PDILT: variants seen among roughly 807,000 people sequenced by gnomAD.
The protein encoded by PDILT is protein disulfide-isomerase-like protein of the testis.
PDILT carries 43 observed loss-of-function variants against 53.7 expected under a neutral mutation model. The observed-to-expected ratio is 0.80, with a 90% CI of 0.63 to 1.03. The LOEUF is 1.03. PDILT is among the 50% of genes least tolerant of loss of function. PDILT has a pLI of 0.00. For missense variants in PDILT, 727 were observed against 712.3 expected (o/e 1.02, Z -0.24); for synonymous variants, 282 against 274.2 (o/e 1.03, Z -0.28).
At chr16:20,388,399 TGA>T (rs1237132821) in intron 2 of PDILT, among the ~76,000 whole-genome samples, 3 of 152,174 alleles carry the variant, frequency 2.0e-5, no homozygotes, top group South Asian at 2.1e-4. Context: ...GCAGTTAGGC[TGA>T]GAGTCAACTC....
Position 20,365,545 on chromosome 16 carries a change from G to C in PDILT, c.1117-5C>G, listed in dbSNP as rs751642497. The C allele has an allele frequency of 6.2e-7, 1 of 1,614,116 alleles. No homozygotes were observed. Among genetic ancestry groups the C allele is most frequent in the Non-Finnish European group, 8.5e-7 (1 of 1,179,996 alleles). ...CTCTTCACTGGATTGATGTTTCTAGGAAGCACATTTGAGAGGCCTAAGAGT... is the reference window on the plus strand; with the variant it reads ...CTCTTCACTGGATTGATGTTTCTAGCAAGCACATTTGAGAGGCCTAAGAGT... On this transcript the variant is annotated splice_region_variant and splice_polypyrimidine_tract_variant and intron_variant, in intron 8 of 11. Coordinates refer to ENST00000302451, the MANE Select transcript of PDILT (RefSeq NM_174924.2).
rs1186213740 is a variant in PDILT at position 20,400,070 on chromosome 16, A to ATTT, written c.-7-764_-7-763insAAA. 4.7e-5 allele frequency among the ~76,000 whole-genome samples: 6 copies of ATTT among 126,676 alleles called. No individual in the cohort carries two copies. In the East Asian group the frequency reaches 6.9e-4, roughly 15 times the overall value. 83.1% of individuals were successfully genotyped at this position (126,676 alleles called of 152,430 possible). On this transcript the variant is annotated intron_variant, in intron 1 of 11. Coordinates refer to ENST00000302451, the MANE Select transcript of PDILT (RefSeq NM_174924.2). ...TCTATCTATCTATATATATATATAT[A>ATTT]TATTTTTTGAGACGGAGTTTTGCTC...
intron 1 of PDILT, among the ~76,000 whole-genome samples, chr16:20,402,698 A>T (rs925936408): frequency 2.6e-5 from 4 of 152,218 alleles, no homozygotes; most frequent in Non-Finnish European, 5.9e-5. Flanking sequence ...CATTTCTGGG[A>T]GTGTGGGAGA....
At chr16:20,397,108 A>C (rs752892382) in intron 2 of PDILT, among the ~76,000 whole-genome samples, 3 of 152,186 alleles carry the variant, frequency 2.0e-5, no homozygotes, top group Non-Finnish European at 2.9e-5. Context: ...TAACCCTAGG[A>C]GTTATAAATT....
rs1010569256 is a variant in PDILT, at chr16:20,401,252, C to T, written c.-7-1945G>A. On this transcript the variant is annotated intron_variant, in intron 1 of 11. Transcript: ENST00000302451. ...CACCAGGTGTTATGCCACTTATCAG[C>T]CCGGACTAAGTCTGGTACAGCATGA... Among the ~76,000 whole-genome samples, 5 of 152,326 alleles carry T rather than the reference C, an allele frequency of 3.3e-5. No individual in the cohort carries two copies. The South Asian group carries it at 6.2e-4, about 19-fold the overall frequency.
intron 4 of PDILT, 82 bp from the exon 5 acceptor site, chr16:20,375,041 C>T: frequency 7.0e-7 from 1 of 1,427,000 alleles, no homozygotes; most frequent in Non-Finnish European, 9.4e-7. Flanking sequence ...GCAGTGGTGG[C>T]TGATTCGTCT....
chr16:20,368,464 A>T (rs1401850735), intron 8 of PDILT, among the ~76,000 whole-genome samples: 4 of 152,186 alleles, frequency 2.6e-5, no homozygotes, highest in Non-Finnish European at 5.9e-5. Flanking sequence ...CACACGAGAC[A>T]GCTTCCACAG....
At chr16:20,403,619 C>T (rs1966774483) in intron 1 of PDILT, among the ~76,000 whole-genome samples, 1 of 151,756 alleles carries the variant, frequency 6.6e-6, no homozygotes, top group Non-Finnish European at 1.5e-5. Flanking sequence ...GGAATTCCAT[C>T]ACACCACTGT....
chr16:20,365,632 T>C (rs1217143123), intron 8 of PDILT, 92 bp from the exon 9 acceptor site: 2 of 1,466,858 alleles, frequency 1.4e-6, no homozygotes, highest in African/African-American at 1.4e-5. Context: ...CTAAAGGTTT[T>C]CTCGTGTTTT....
chr16:20,386,864 G>T (rs914108663), intron 2 of PDILT, among the ~76,000 whole-genome samples: 1 of 152,164 alleles, frequency 6.6e-6, no homozygotes, highest in Admixed American at 6.5e-5. Context: ...TTCTGAGGGC[G>T]GAAGCTCAGG....
chr16:20,385,809 A>G (rs1966527708), intron 2 of PDILT: 1 of 152,226 alleles, frequency 6.6e-6, no homozygotes, highest in Non-Finnish European at 1.5e-5. Flanking sequence ...TAAAAAGTGT[A>G]TGCCCAGGGC....
At chr16:20,386,817 T>C (rs1164542477) in intron 2 of PDILT, among the ~76,000 whole-genome samples, 1 of 152,258 alleles carries the variant, frequency 6.6e-6, no homozygotes, top group Non-Finnish European at 1.5e-5. Context: ...CATGCTGGGC[T>C]CAGGATTGCT....
chr16:20,399,144 GGCCAGCGGGCGTTA>G lies in PDILT; in HGVS notation c.143_156del (p.Leu48ProfsTer74), dbSNP rs1425706453. On this transcript the variant is annotated frameshift_variant, in exon 2 of 12. Coordinates refer to ENST00000302451, the MANE Select transcript of PDILT (RefSeq NM_174924.2). LOFTEE classifies it high-confidence loss of function. ...CGGGTCTGGTTCAGCATCTGGGTCAGGCCAGCGGGCGTTAGCACTAGGAGACTGCGTTCCTCCAG... is the reference window on the plus strand; with the variant it reads ...CGGGTCTGGTTCAGCATCTGGGTCAGGCACTAGGAGACTGCGTTCCTCCAG... The G allele has an allele frequency of 3.1e-6, 5 of 1,614,064 alleles. No homozygotes were observed. The highest frequency in any genetic ancestry group is 4.2e-6 in the Non-Finnish European group (5 of 1,180,038).
chr16:20,402,574 C>A (rs1966757641), intron 1 of PDILT, among the ~76,000 whole-genome samples: 1 of 152,206 alleles, frequency 6.6e-6, no homozygotes, highest in African/African-American at 2.4e-5. Context: ...GTTGGGATGA[C>A]AGGCATGAGC....
In PDILT at chr16:20,369,701, A is replaced by G. The variant is rs1307190803; in HGVS notation, c.919-12T>C. Reference sequence around the variant, plus strand: ...AGGATGAAAAGGATCTGCCAAAGAAAACAAAACCCTTGTCTCTCTGGATCC... The same window carrying G: ...AGGATGAAAAGGATCTGCCAAAGAAGACAAAACCCTTGTCTCTCTGGATCC... On this transcript the variant is annotated splice_polypyrimidine_tract_variant and intron_variant, in intron 7 of 11. Transcript: ENST00000302451. The G allele has an allele frequency of 1.2e-6, 2 of 1,613,684 alleles. No homozygotes were observed. Among genetic ancestry groups the G allele is most frequent in the Middle Eastern group, 1.7e-4 (1 of 5,736 alleles).
chr16:20,362,037 A>C (rs1489790558), intron 10 of PDILT, among the ~76,000 whole-genome samples: 1 of 152,184 alleles, frequency 6.6e-6, no homozygotes, highest in Admixed American at 6.5e-5. Flanking sequence ...TCACCTGGTA[A>C]TACCCCACAT....
intron 3 of PDILT, among the ~76,000 whole-genome samples, chr16:20,381,944 G>A (rs1247032931): frequency 6.6e-6 from 1 of 152,092 alleles, no homozygotes; most frequent in Non-Finnish European, 1.5e-5. Context: ...TGTCACCCAG[G>A]CTGAAGTGCA....
intron 7 of PDILT, 51 bp downstream of exon 7, chr16:20,372,751 T>A: frequency 6.3e-7 from 1 of 1,593,964 alleles, no homozygotes; most frequent in Non-Finnish European, 8.6e-7. Context: ...GGTCTGCAGG[T>A]CTTGGATCCT....
At chr16:20,367,499 T>C (rs917934548) in intron 8 of PDILT, among the ~76,000 whole-genome samples, 1 of 152,148 alleles carries the variant, frequency 6.6e-6, no homozygotes, top group African/African-American at 2.4e-5. Flanking sequence ...TCAGATCAGG[T>C]GGATCTCATA....
Sources: allele counts gnomAD v4.1 joint callset (sites outside exome capture counted in the v4.1 genomes callset), GRCh38; gene constraint gnomAD v4.1.1; transcripts MANE v1.5; gene names NCBI Gene and HGNC (gene_info 2026-07-23, HGNC 2026-07-21).